Variants in MREG observed in about 807,000 individuals in gnomAD.
The protein encoded by MREG is melanoregulin, also known as dilute suppressor protein homolog.
In MREG, 31 loss-of-function variants were observed where a neutral mutation model predicts 28.5. The ratio of observed to expected loss-of-function variants is 1.09; its 90% confidence interval spans 0.82 to 1.47. The LOEUF (loss-of-function observed/expected upper bound fraction) is 1.47, where lower values mean the gene tolerates loss of function less well. Ranked by LOEUF, MREG falls within the 40% of genes most tolerant of loss-of-function variation. The pLI, the probability that MREG is intolerant of heterozygous loss-of-function variation, is 0.00. For synonymous variants in MREG, 106 were observed against 95.2 expected, an observed-to-expected ratio of 1.11 and a Z score of -0.66; for missense variants, 256 against 257.4, an observed-to-expected ratio of 0.99 and a Z score of 0.04.
At chr2:215,981,202 C>T (rs549386589) in intron 2 of MREG, among the ~76,000 whole-genome samples, 1 of 152,140 alleles carries the variant, frequency 6.6e-6, no homozygotes, top group Non-Finnish European at 1.5e-5. Context: ...GATATTTGTA[C>T]ACCCGTGTTT....
intron 1 of MREG, among the ~76,000 whole-genome samples, chr2:215,998,906 C>T (rs1336388379): frequency 1.4e-5 from 2 of 147,080 alleles, no homozygotes; most frequent in African/African-American, 5.2e-5. Context: ...GAGATCAGTA[C>T]ATTTTTTTAA....
At chr2:215,980,356 C>A (rs1217939192) in intron 2 of MREG, among the ~76,000 whole-genome samples, 1 of 152,160 alleles carries the variant, frequency 6.6e-6, no homozygotes, top group Non-Finnish European at 1.5e-5. Context: ...AACAAGGAGG[C>A]CTGGTCATCA....
At chr2:216,009,335 C>A (rs1474983713) in intron 1 of MREG, among the ~76,000 whole-genome samples, 2 of 149,430 alleles carry the variant, frequency 1.3e-5, no homozygotes, top group African/African-American at 2.5e-5. Flanking sequence ...AGCTAAAGTA[C>A]AAAAATGCAA....
chr2:215,967,549 T>C (rs1231918473), intron 2 of MREG, among the ~76,000 whole-genome samples: 1 of 152,202 alleles, frequency 6.6e-6, no homozygotes, highest in Non-Finnish European at 1.5e-5. Flanking sequence ...CAAAGTATCA[T>C]AAATCAGGGG....
At chr2:215,974,280 T>C (rs1208057173) in intron 2 of MREG, among the ~76,000 whole-genome samples, 1 of 152,102 alleles carries the variant, frequency 6.6e-6, no homozygotes, top group Non-Finnish European at 1.5e-5. Context: ...CTGTTTCAGG[T>C]CAAGAAAAAT....
intron 4 of MREG, 72 bp downstream of exon 4, chr2:215,945,499 G>A (rs1283184226): frequency 2.7e-5 from 41 of 1,531,582 alleles, no homozygotes; most frequent in Middle Eastern, 2.1e-4. Flanking sequence ...GAATACGGAG[G>A]ATAGTGAATA....
intron 1 of MREG, among the ~76,000 whole-genome samples, chr2:216,009,064 T>G (rs911531162): frequency 2.6e-5 from 4 of 152,184 alleles, no homozygotes; most frequent in Non-Finnish European, 5.9e-5. Flanking sequence ...TAGTGAATAC[T>G]GAACCATTGT....
At chr2:216,014,435 G>T (rs1694395018), upstream of MREG, among the ~76,000 whole-genome samples, 1 of 152,114 alleles carries the variant, frequency 6.6e-6, no homozygotes, top group Non-Finnish European at 1.5e-5. Flanking sequence ...CGGATCATGA[G>T]GTCAAGAGAT....
chr2:216,021,994 T>C (rs1415631727), intron 1 of MREG, among the ~76,000 whole-genome samples: 1 of 152,066 alleles, frequency 6.6e-6, no homozygotes, highest in Admixed American at 6.5e-5. Context: ...TCCCAACACA[T>C]TGGGAGGCTG....
chr2:215,952,705 G>A (rs966972618), intron 2 of MREG, among the ~76,000 whole-genome samples: 7 of 151,766 alleles, frequency 4.6e-5, no homozygotes, highest in African/African-American at 1.7e-4. Context: ...TAATCACATA[G>A]AAATAAAATA....
chr2:215,992,980 C>T (rs1462579499), intron 2 of MREG, among the ~76,000 whole-genome samples: 1 of 152,134 alleles, frequency 6.6e-6, no homozygotes, highest in South Asian at 2.1e-4. Flanking sequence ...ATGAAAATGG[C>T]CATACTGCCC....
chr2:215,946,096 G>T (rs1456338526), intron 3 of MREG, among the ~76,000 whole-genome samples: 1 of 151,932 alleles, frequency 6.6e-6, no homozygotes, highest in Non-Finnish European at 1.5e-5. Context: ...CTCCCAGCCT[G>T]CAAAGTGGTT....
At position 215,979,469 on chromosome 2, in the gene MREG, ATAATAAT is replaced by A. The variant is rs1693355641; in HGVS notation, c.255+16830_255+16836del. Among the ~76,000 whole-genome samples the A allele has an allele frequency of 3.9e-5, 2 of 51,800 alleles. 1 individual carries two copies. Among genetic ancestry groups the A allele is most frequent in the African/African-American group, 1.2e-4 (2 of 16,122 alleles). The allele number at this position is 51,800 out of a possible 152,430, so 34.0% of individuals were successfully genotyped here. On this transcript the variant is annotated intron_variant, in intron 2 of 4. Coordinates refer to ENST00000263268, the MANE Select transcript of MREG (RefSeq NM_018000.3). ...CAAGAGTGAAACTCCATCTCAAAAAATAATAATAATAATAATAATAATAATAATAATA... is the reference window on the plus strand; with the variant it reads ...CAAGAGTGAAACTCCATCTCAAAAAAAATAATAATAATAATAATAATAATA...
intron 1 of MREG, among the ~76,000 whole-genome samples, chr2:216,010,448 C>A (rs1694270957): frequency 6.7e-6 from 1 of 149,216 alleles, no homozygotes; most frequent in African/African-American, 2.5e-5. Context: ...AGCTCCGCCT[C>A]CCGGGTTCAC....
intron 2 of MREG, among the ~76,000 whole-genome samples, chr2:215,991,863 G>A (rs1483378052): frequency 6.6e-6 from 1 of 152,188 alleles, no homozygotes; most frequent in Non-Finnish European, 1.5e-5. Flanking sequence ...TTGAATCCCT[G>A]AATAGACCAA....
chr2:215,981,871 T>A (rs1693435608), intron 2 of MREG, among the ~76,000 whole-genome samples: 1 of 152,194 alleles, frequency 6.6e-6, no homozygotes, highest in African/African-American at 2.4e-5. Flanking sequence ...ATGCTTCTTA[T>A]CCTCAAATCT....
intron 1 of MREG, among the ~76,000 whole-genome samples, chr2:216,030,127 A>G (rs974306447): frequency 2.6e-5 from 4 of 152,256 alleles, no homozygotes; most frequent in African/African-American, 9.6e-5. Context: ...TTGTTCTAAA[A>G]TACTTATAAA....
At chr2:215,998,307 C>CAAAAAAAA (rs1222506866) in intron 1 of MREG, among the ~76,000 whole-genome samples, 6 of 123,830 alleles carry the variant, frequency 4.8e-5, no homozygotes, top group African/African-American at 1.2e-4. Flanking sequence ...CTCCATCTCA[C>CAAAAAAAA]AAAAAAAAAA....
intron 1 of MREG, among the ~76,000 whole-genome samples, chr2:216,000,037 A>C (rs1488819112): frequency 2.6e-5 from 4 of 152,240 alleles, no homozygotes; most frequent in Non-Finnish European, 5.9e-5. Context: ...AGAAGTGTCG[A>C]TAACATGAAA....
Sources: gnomAD v4.1 joint callset for allele counts (sites outside exome capture counted in the v4.1 genomes callset) on GRCh38, gnomAD v4.1.1 for gene constraint, MANE v1.5 for transcripts, NCBI Gene and HGNC (gene_info 2026-07-23, HGNC 2026-07-21) for gene names.